The following MBD5 variants were observed in gnomAD, a reference collection of about 807,000 sequenced individuals.
The protein encoded by MBD5 is methyl-CpG-binding domain protein 5.
Under a neutral mutation model 117.3 loss-of-function variants are expected in MBD5, and 13 were observed. The ratio of observed to expected loss-of-function variants is 0.11; its 90% CI spans 0.07 to 0.18. MBD5 has a LOEUF of 0.18. Among genes scored for constraint, MBD5 ranks in the 10% least tolerant of loss-of-function variants. MBD5 has a pLI of 1.00. For missense variants in MBD5, 1,879 were observed against 2,093.8 expected (o/e 0.90, Z 2.00); for synonymous variants, 727 against 766.4 (o/e 0.95, Z 0.85).
intron 2 of MBD5, among the ~76,000 whole-genome samples, chr2:148,221,217 A>C (rs1699677781): frequency 6.6e-6 from 1 of 152,132 alleles, no homozygotes; most frequent in Non-Finnish European, 1.5e-5. Flanking sequence ...GCTATTGTGA[A>C]CAGTGCTGCA....
chr2:148,225,193 A>T (rs1226853055), intron 2 of MBD5, among the ~76,000 whole-genome samples: 1 of 152,014 alleles, frequency 6.6e-6, no homozygotes, highest in South Asian at 2.1e-4. Context: ...CTTGCCTTTT[A>T]TGTTTTGTGT....
intron 1 of MBD5, among the ~76,000 whole-genome samples, chr2:148,057,887 T>A (rs1251867309): frequency 2.0e-5 from 3 of 152,048 alleles, no homozygotes; most frequent in African/African-American, 7.2e-5. Context: ...TGCTGCTTTG[T>A]AATTTGTTTG....
rs536939290 is a variant in MBD5 at position 148,369,232 on chromosome 2, A to T, written c.-557+26896A>T. Among the ~76,000 whole-genome samples, 198 of 152,252 alleles carry T rather than the reference A, an allele frequency of 1.3e-3. 1 individual carries two copies. Among genetic ancestry groups the T allele is most frequent in the Middle Eastern group, 3.4e-3 (1 of 294 alleles). On this transcript the variant is annotated intron_variant, in intron 4 of 13. Coordinates refer to ENST00000642680, the MANE Select transcript of MBD5 (RefSeq NM_001378120.1). ...TTTTTCAAAAAACTTAAAAAAAAAA[A>T]AAGTAGGAAACTGAAGACACTTAAC... is the stretch of plus-strand genomic sequence containing the variant.
intron 1 of MBD5, among the ~76,000 whole-genome samples, chr2:148,084,759 C>CATTTTCATTACATTACAAAAAA (rs1172547355): frequency 6.6e-6 from 1 of 152,154 alleles, no homozygotes; most frequent in Non-Finnish European, 1.5e-5. Flanking sequence ...TACAGGGTAT[C>CATTTTCATTACATTACAAAAAA]ATGTAAAATA....
At chr2:148,056,278 C>G (rs933099730) in intron 1 of MBD5, 1 of 152,072 alleles carries the variant, frequency 6.6e-6, no homozygotes, top group African/African-American at 2.4e-5. Flanking sequence ...AAGAGATGAT[C>G]ATTCTCAGCA....
intron 10 of MBD5, among the ~76,000 whole-genome samples, chr2:148,486,860 C>T (rs910141927): frequency 6.6e-6 from 1 of 152,228 alleles, no homozygotes; most frequent in Non-Finnish European, 1.5e-5. Flanking sequence ...TATGCTGATA[C>T]AGTCCTTTTG....
chr2:148,330,472 C>T (rs745554339), intron 3 of MBD5: 2 of 152,122 alleles, frequency 1.3e-5, no homozygotes, highest in African/African-American at 2.4e-5. Context: ...GCAATCATCT[C>T]CATTTTACAG....
chr2:148,222,264 A>G (rs1290929624), intron 2 of MBD5, among the ~76,000 whole-genome samples: 3 of 152,046 alleles, frequency 2.0e-5, no homozygotes, highest in African/African-American at 7.2e-5. Context: ...TTCCATATAA[A>G]TTTTACAAAA....
chr2:148,384,470 A>G (rs1704274626), intron 4 of MBD5, among the ~76,000 whole-genome samples: 1 of 152,230 alleles, frequency 6.6e-6, no homozygotes, highest in African/African-American at 2.4e-5. Context: ...GAGGATACAA[A>G]CACATGGAAG....
In MBD5 at chr2:148,307,374, T is replaced by C. The variant is rs559230059; in HGVS notation, c.-679-34840T>C. On this transcript the variant is annotated intron_variant, in intron 3 of 13. Transcript: ENST00000642680. ...AGTAAATCCATCCAATCTTAGCAAC[T>C]TGATTATACAAAATTTCTTTTTCAC... Among the ~76,000 whole-genome samples the C allele has an allele frequency of 2.1e-4, 29 of 134,946 alleles. No individual in the cohort carries two copies. The East Asian group carries it at 5.6e-3, about 26-fold the overall frequency. The allele number at this position is 134,946 out of a possible 152,430, so 88.5% of individuals were successfully genotyped here. A position where few individuals can be genotyped will look rare whatever the true frequency, so the allele number is the denominator to read the frequency against.
At chr2:148,058,810 A>G (rs1241125277) in intron 1 of MBD5, among the ~76,000 whole-genome samples, 1 of 152,178 alleles carries the variant, frequency 6.6e-6, no homozygotes, top group Non-Finnish European at 1.5e-5. Context: ...GTATGCTTGA[A>G]TTACTAATTT....
intron 4 of MBD5, among the ~76,000 whole-genome samples, chr2:148,448,747 C>A (rs1445422737): frequency 1.3e-5 from 2 of 151,856 alleles, no homozygotes; most frequent in Non-Finnish European, 2.9e-5. Context: ...TTATTCTCAT[C>A]CTACAGGTTT....
intron 3 of MBD5, among the ~76,000 whole-genome samples, chr2:148,268,890 A>G (rs1237554502): frequency 6.6e-6 from 1 of 151,820 alleles, no homozygotes; most frequent in Non-Finnish European, 1.5e-5. Context: ...GTGGGTGGGG[A>G]TTTCTATTTT....
intron 2 of MBD5, among the ~76,000 whole-genome samples, chr2:148,201,141 C>T (rs559774471): frequency 1.3e-5 from 2 of 152,314 alleles, no homozygotes; most frequent in South Asian, 4.1e-4. Flanking sequence ...CACACCAGGC[C>T]ATGCCTGGCT....
chr2:148,278,278 G>A (rs751217919), intron 3 of MBD5, among the ~76,000 whole-genome samples: 1 of 152,138 alleles, frequency 6.6e-6, no homozygotes, highest in African/African-American at 2.4e-5. Flanking sequence ...GCTTATTTTT[G>A]AGGTTTAGTG....
chr2:148,387,306 C>A (rs1704402861), intron 4 of MBD5, among the ~76,000 whole-genome samples: 1 of 151,962 alleles, frequency 6.6e-6, no homozygotes, highest in African/African-American at 2.4e-5. Context: ...GAGAAAAAAA[C>A]ATGATCATCT....
chr2:148,215,743 A>C (rs1206071308), intron 2 of MBD5, among the ~76,000 whole-genome samples: 1 of 148,682 alleles, frequency 6.7e-6, no homozygotes, highest in Non-Finnish European at 1.5e-5. Context: ...CGCTGATCTC[A>C]AACTCCTGGC....
intron 1 of MBD5, among the ~76,000 whole-genome samples, chr2:148,078,900 GTTAA>G (rs1206444200): frequency 1.3e-5 from 2 of 152,194 alleles, no homozygotes; most frequent in East Asian, 3.9e-4. Flanking sequence ...GAACAAGTGT[GTTAA>G]TTATTTTATT....
rs964754886 is a variant in MBD5, at chr2:148,516,538, A to T, written c.*3597A>T. The T allele has an allele frequency of 5.3e-5, 8 of 152,186 alleles. No homozygotes were observed. The highest frequency in any genetic ancestry group is 1.0e-4 in the Non-Finnish European group (7 of 68,026). The allele number at this position is 152,186 out of a possible 1,614,324, so 9.4% of individuals were successfully genotyped here. ...TTTAATTAGTTCATCTTTTTCTTTCATTCACTCTATCACATTTGCATTAGC... is the reference window on the plus strand; with the variant it reads ...TTTAATTAGTTCATCTTTTTCTTTCTTTCACTCTATCACATTTGCATTAGC... On this transcript the variant is annotated 3_prime_UTR_variant, in exon 14 of 14. Coordinates refer to ENST00000642680, the MANE Select transcript of MBD5 (RefSeq NM_001378120.1).
Sources: allele counts gnomAD v4.1 joint callset (sites outside exome capture counted in the v4.1 genomes callset), GRCh38; gene constraint gnomAD v4.1.1; transcripts MANE v1.5; gene names NCBI Gene and HGNC (gene_info 2026-07-23, HGNC 2026-07-21).